MED12L: variants seen among roughly 807,000 people sequenced by gnomAD.
MED12L encodes the protein mediator complex subunit 12L.
A neutral mutation model predicts 281.3 loss-of-function variants in MED12L; 60 were observed. The ratio of observed to expected loss-of-function variants is 0.21; its 90% CI spans 0.17 to 0.26. The LOEUF is 0.26. Among genes scored for constraint, MED12L ranks in the 10% least tolerant of loss-of-function variants. The pLI is 1.00. For missense variants in MED12L, 2,146 were observed against 2,680.9 expected (o/e 0.80, Z 4.41); for synonymous variants, 974 against 987.2 (o/e 0.99, Z 0.25).
At chr3:151,228,385 C>T (rs1188937962) in intron 16 of MED12L, among the ~76,000 whole-genome samples, 1 of 152,176 alleles carries the variant, frequency 6.6e-6, no homozygotes, top group Non-Finnish European at 1.5e-5. Context: ...GGCTGTGACT[C>T]AGTGGGAACA....
At chr3:151,247,671 T>A in intron 16 of MED12L, among the ~76,000 whole-genome samples, 1 of 144,840 alleles carries the variant, frequency 6.9e-6, no homozygotes, top group Non-Finnish European at 1.5e-5. Context: ...AGATGACGAG[T>A]TAGTGGGTGC....
At chr3:151,289,615 T>C (rs1366106415) in intron 16 of MED12L, among the ~76,000 whole-genome samples, 3 of 152,246 alleles carry the variant, frequency 2.0e-5, no homozygotes, top group Non-Finnish European at 2.9e-5. Flanking sequence ...GTTAAGGGGC[T>C]GATTTACATT....
intron 16 of MED12L, among the ~76,000 whole-genome samples, chr3:151,220,624 GT>G (rs1370877950): frequency 6.6e-6 from 1 of 152,182 alleles, no homozygotes; most frequent in Non-Finnish European, 1.5e-5. Flanking sequence ...AGATCTGATG[GT>G]TTTAAAAACG....
chr3:151,308,238 A>C (rs1746982401), intron 16 of MED12L, among the ~76,000 whole-genome samples: 2 of 152,128 alleles, frequency 1.3e-5, no homozygotes. Context: ...AATTTGAGTA[A>C]AATTCCTACT....
chr3:151,114,210 A>G (rs1367642067), intron 2 of MED12L, among the ~76,000 whole-genome samples: 2 of 152,138 alleles, frequency 1.3e-5, no homozygotes, highest in Non-Finnish European at 2.9e-5. Context: ...CAGTTTGGAG[A>G]TATCTTCTGA....
intron 16 of MED12L, among the ~76,000 whole-genome samples, chr3:151,268,937 C>T (rs1386939644): frequency 1.3e-5 from 2 of 152,144 alleles, no homozygotes; most frequent in African/African-American, 2.4e-5. Context: ...GTTTTCTGAG[C>T]GTCTTCCTGA....
At chr3:151,318,846 T>C (rs1272559632) in intron 16 of MED12L, among the ~76,000 whole-genome samples, 3 of 152,202 alleles carry the variant, frequency 2.0e-5, no homozygotes, top group African/African-American at 7.2e-5. Flanking sequence ...TCTTTAACTT[T>C]ATGTGTGATG....
chr3:151,351,687 G>A (rs899353846), intron 17 of MED12L, among the ~76,000 whole-genome samples: 1 of 152,172 alleles, frequency 6.6e-6, no homozygotes, highest in African/African-American at 2.4e-5. Context: ...GGGTAGGGGG[G>A]AGTCAGTATT....
intron 16 of MED12L, chr3:151,269,957 A>G: frequency 2.5e-6 from 1 of 399,920 alleles, no homozygotes; most frequent in South Asian, 1.9e-5. Flanking sequence ...TAATACTTGG[A>G]CAAATCCATT....
chr3:151,293,791 G>A (rs1744663708), intron 16 of MED12L, among the ~76,000 whole-genome samples: 1 of 152,140 alleles, frequency 6.6e-6, no homozygotes, highest in African/African-American at 2.4e-5. Context: ...ATGGAAAGTA[G>A]TAGTTTCTTT....
rs1302860328 is a variant in MED12L, at chr3:151,434,530, C to T, written c.*1726C>T. 1 of 5,232 alleles carries T rather than the reference C, an allele frequency of 1.9e-4. No homozygotes were observed. The highest frequency in any genetic ancestry group is 5.4e-4 in the Non-Finnish European group (1 of 1,864). 0.3% of individuals were successfully genotyped at this position (5,232 alleles called of 1,614,324 possible). A position where few individuals can be genotyped will look rare whatever the true frequency, so the allele number is the denominator to read the frequency against. On this transcript the variant is annotated 3_prime_UTR_variant, in exon 45 of 45. Transcript: ENST00000687756. ...GTCTATCTGCTTTCAGAAGATGTATCATCTATCTGTACACATTTTTGCTGG... is the reference window on the plus strand; with the variant it reads ...GTCTATCTGCTTTCAGAAGATGTATTATCTATCTGTACACATTTTTGCTGG...
chr3:151,390,487 G>T (rs907066577), intron 38 of MED12L, among the ~76,000 whole-genome samples: 5 of 152,162 alleles, frequency 3.3e-5, no homozygotes, highest in Admixed American at 3.3e-4. Context: ...ATATTGCACA[G>T]TGTCTTTTAT....
chr3:151,380,470 G>A (rs957790253), intron 32 of MED12L, among the ~76,000 whole-genome samples: 4 of 151,864 alleles, frequency 2.6e-5, no homozygotes, highest in Admixed American at 6.6e-5. Flanking sequence ...GATGGTGTGC[G>A]CCTATGATCC....
At chr3:151,377,588 G>A (rs955663353) in intron 30 of MED12L, among the ~76,000 whole-genome samples, 7 of 152,138 alleles carry the variant, frequency 4.6e-5, no homozygotes, top group African/African-American at 7.2e-5. Context: ...ATCATGAAAG[G>A]CTGATTTGTA....
intron 16 of MED12L, among the ~76,000 whole-genome samples, chr3:151,325,980 A>G (rs888189714): frequency 3.3e-5 from 5 of 152,338 alleles, no homozygotes; most frequent in African/African-American, 9.6e-5. Flanking sequence ...GAGAGAATGA[A>G]GATCAGACAT....
At chr3:151,379,237 C>G (rs1172156187) in intron 31 of MED12L, among the ~76,000 whole-genome samples, 3 of 152,174 alleles carry the variant, frequency 2.0e-5, no homozygotes, top group Non-Finnish European at 4.4e-5. Context: ...TGTGCATTGC[C>G]TAACTTCCCA....
chr3:151,169,205 CT>C (rs1463568070), intron 11 of MED12L, among the ~76,000 whole-genome samples: 21 of 150,392 alleles, frequency 1.4e-4, no homozygotes, highest in East Asian at 9.8e-4. Context: ...GCAACCTCCA[CT>C]TCCTGGGTTC....
At chr3:151,213,453 T>C (rs1232592700) in intron 16 of MED12L, 1 of 1,614,104 alleles carries the variant, frequency 6.2e-7, no homozygotes, top group Non-Finnish European at 8.5e-7. Flanking sequence ...GGTCCAAGCA[T>C]ACATTTGCAG....
chr3:151,328,832 G>A, intron 16 of MED12L: 1 of 1,613,982 alleles, frequency 6.2e-7, no homozygotes, highest in Non-Finnish European at 8.5e-7. Flanking sequence ...GAAGGTGGAG[G>A]AGCTGGGGAT....
Sources: gnomAD v4.1 joint callset for allele counts (sites outside exome capture counted in the v4.1 genomes callset) on GRCh38, gnomAD v4.1.1 for gene constraint, MANE v1.5 for transcripts, NCBI Gene and HGNC (gene_info 2026-07-23, HGNC 2026-07-21) for gene names.